ANKH: variants seen among roughly 807,000 people sequenced by gnomAD.
ANKH encodes the protein mineralization regulator ANKH.
ANKH carries 15 observed loss-of-function variants against 49.0 expected under a neutral mutation model. That is an observed-to-expected ratio of 0.31 (90% CI 0.20 to 0.47). The LOEUF is 0.47. ANKH is among the 20% of genes least tolerant of loss of function. The pLI is 1.00. For missense variants in ANKH, 429 were observed against 652.0 expected, an observed-to-expected ratio of 0.66 and a Z score of 3.72; for synonymous variants, 273 against 260.0, an observed-to-expected ratio of 1.05 and a Z score of -0.48.
chr5:14,830,152 G>A (rs373440140), intron 1 of ANKH, among the ~76,000 whole-genome samples: 2 of 152,300 alleles, frequency 1.3e-5, no homozygotes, highest in Non-Finnish European at 2.9e-5. Context: ...CGACTACGAA[G>A]CAAGAATTTT....
At chr5:14,792,820 C>CA (rs959520990) in intron 1 of ANKH, among the ~76,000 whole-genome samples, 2 of 150,142 alleles carry the variant, frequency 1.3e-5, no homozygotes, top group Non-Finnish European at 3.0e-5. Flanking sequence ...ACTAAAAATA[C>CA]AAAAAAATTA....
chr5:14,805,303 C>T (rs1367746465), intron 1 of ANKH, among the ~76,000 whole-genome samples: 1 of 151,688 alleles, frequency 6.6e-6, no homozygotes, highest in African/African-American at 2.4e-5. Context: ...CTCCTTGCTC[C>T]TCAGCTGGCA....
intron 1 of ANKH, among the ~76,000 whole-genome samples, chr5:14,782,462 A>G (rs908575619): frequency 1.3e-5 from 2 of 152,176 alleles, no homozygotes; most frequent in African/African-American, 2.4e-5. Flanking sequence ...TCATTCTATT[A>G]TACTAAAACC....
intron 1 of ANKH, chr5:14,825,915 G>A (rs1167702912): frequency 6.6e-6 from 1 of 152,382 alleles, no homozygotes; most frequent in Non-Finnish European, 1.5e-5. Context: ...AAAATCTAGA[G>A]GTTAGGGTTA....
intron 1 of ANKH, among the ~76,000 whole-genome samples, chr5:14,854,704 A>T (rs940046177): frequency 1.4e-4 from 22 of 152,012 alleles, no homozygotes; most frequent in Admixed American, 5.2e-4. Flanking sequence ...TAAACAAAAA[A>T]TAAAACTTGG....
At chr5:14,797,931 T>C (rs1740441923) in intron 1 of ANKH, 3 of 1,592,812 alleles carry the variant, frequency 1.9e-6, no homozygotes, top group African/African-American at 2.7e-5. Flanking sequence ...TTTAGAAGGA[T>C]GTTTTGTATA....
At chr5:14,757,207 T>A (rs1404311992) in intron 3 of ANKH, among the ~76,000 whole-genome samples, 1 of 152,062 alleles carries the variant, frequency 6.6e-6, no homozygotes, top group Non-Finnish European at 1.5e-5. Context: ...TTCAGTTCTC[T>A]AACTGGGCTA....
chr5:14,762,872 C>T (rs964296091), intron 2 of ANKH, among the ~76,000 whole-genome samples: 2 of 152,170 alleles, frequency 1.3e-5, no homozygotes, highest in African/African-American at 4.8e-5. Context: ...GCTTGTATTC[C>T]TTATGAAGAG....
intron 8 of ANKH, among the ~76,000 whole-genome samples, chr5:14,717,669 A>C (rs7711870): frequency 0.027 from 4,053 of 152,290 alleles, 162 homozygotes; most frequent in African/African-American, 0.092. Flanking sequence ...GGATGAGGTA[A>C]AACAGAGGGG....
At position 14,711,168 on chromosome 5, in the gene ANKH, T is replaced by A; in HGVS notation, c.*29A>T. On this transcript the variant is annotated 3_prime_UTR_variant, in exon 12 of 12. Coordinates refer to ENST00000284268, the MANE Select transcript of ANKH (RefSeq NM_054027.6). ...GCCGAAGTGTCATCCTGACTGACTG[T>A]CCCTGCAGTGCCCATGGCGTCCCGT... is the stretch of plus-strand genomic sequence containing the variant. 1 of 1,540,686 alleles carries A rather than the reference T, an allele frequency of 6.5e-7. No individual in the cohort carries two copies. The highest frequency in any genetic ancestry group is 1.1e-5 in the South Asian group (1 of 89,602).
chr5:14,796,506 A>T (rs1740394726), intron 1 of ANKH, among the ~76,000 whole-genome samples: 1 of 150,736 alleles, frequency 6.6e-6, no homozygotes, highest in Non-Finnish European at 1.5e-5. Flanking sequence ...TTTCACAGAC[A>T]GGAAATAAAC....
intron 1 of ANKH, among the ~76,000 whole-genome samples, chr5:14,798,672 G>C (rs1490027251): frequency 6.6e-6 from 1 of 152,068 alleles, no homozygotes; most frequent in East Asian, 1.9e-4. Flanking sequence ...ATGTGTGATA[G>C]GTGATCTTTA....
At chr5:14,864,176 G>T (rs1450062682) in intron 1 of ANKH, among the ~76,000 whole-genome samples, 2 of 152,198 alleles carry the variant, frequency 1.3e-5, no homozygotes, top group African/African-American at 4.8e-5. Context: ...TTGCACCATT[G>T]TTCTCCAGCC....
At chr5:14,856,121 A>C (rs1423822727) in intron 1 of ANKH, among the ~76,000 whole-genome samples, 2 of 151,840 alleles carry the variant, frequency 1.3e-5, no homozygotes, top group East Asian at 3.9e-4. Flanking sequence ...GGAGTTTGAG[A>C]CCAGCCTGGG....
At chr5:14,801,565 A>G (rs549991036) in intron 1 of ANKH, among the ~76,000 whole-genome samples, 2 of 152,312 alleles carry the variant, frequency 1.3e-5, no homozygotes, top group East Asian at 3.9e-4. Context: ...TATGCTAAAA[A>G]TCTCCAAAGG....
intron 1 of ANKH, among the ~76,000 whole-genome samples, chr5:14,792,064 T>C (rs1226938130): frequency 2.0e-5 from 3 of 152,184 alleles, no homozygotes; most frequent in Non-Finnish European, 2.9e-5. Flanking sequence ...GTGAGGGTCC[T>C]GGATCCTTTG....
At chr5:14,799,053 C>T (rs1740483882) in intron 1 of ANKH, among the ~76,000 whole-genome samples, 1 of 152,140 alleles carries the variant, frequency 6.6e-6, no homozygotes, top group Non-Finnish European at 1.5e-5. Context: ...TGAGTGGATA[C>T]AAGAATAATA....
rs35825962 is a variant in ANKH at position 14,789,455 on chromosome 5, T to TAAAA, written c.97-20268_97-20265dup. On this transcript the variant is annotated intron_variant, in intron 1 of 11. Transcript: ENST00000284268. ...TGTTGTGCTCTCAGAATGGTGGTGA[T>TAAAA]AAAAAAAAAAAAAAAAGCTAAGCTC... Among the ~76,000 whole-genome samples, 4 of 128,158 alleles carry TAAAA rather than the reference T, an allele frequency of 3.1e-5. 1 individual carries two copies. The highest frequency in any genetic ancestry group is 1.2e-4 in the African/African-American group (4 of 34,284). 84.1% of individuals were successfully genotyped at this position (128,158 alleles called of 152,430 possible).
chr5:14,726,305 G>A (rs1385942817), intron 8 of ANKH, among the ~76,000 whole-genome samples: 1 of 152,194 alleles, frequency 6.6e-6, no homozygotes, highest in Non-Finnish European at 1.5e-5. Context: ...CCAGCTGCAT[G>A]CACGTAAGGA....
Sources: gnomAD v4.1 joint callset for allele counts (sites outside exome capture counted in the v4.1 genomes callset) on GRCh38, gnomAD v4.1.1 for gene constraint, MANE v1.5 for transcripts, NCBI Gene and HGNC (gene_info 2026-07-23, HGNC 2026-07-21) for gene names.